The following CDH12 variants were observed in gnomAD, a reference collection of about 807,000 sequenced individuals.
CDH12 encodes cadherin-12.
CDH12 carries 41 observed loss-of-function variants against 74.1 expected under a neutral mutation model. That is an observed-to-expected ratio of 0.55 (90% CI 0.43 to 0.72). The LOEUF (loss-of-function observed/expected upper bound fraction) is 0.72. CDH12 is among the 30% of genes least tolerant of loss of function. The pLI is 0.00. For missense variants in CDH12, 945 were observed against 977.2 expected, an observed-to-expected ratio of 0.97 and a Z score of 0.44; for synonymous variants, 399 against 355.0, an observed-to-expected ratio of 1.12 and a Z score of -1.39.
chr5:22,606,877 T>C (rs1161964716), intron 1 of CDH12, among the ~76,000 whole-genome samples: 1 of 152,138 alleles, frequency 6.6e-6, no homozygotes. Flanking sequence ...AGAGGCTTGT[T>C]GAATAGTTTT....
In CDH12 at chr5:21,760,636, G is replaced by T. The variant is rs1321011300; in HGVS notation, c.1555C>A (p.Pro519Thr). ...CTAAAGGAGAATTGTTGCCCAGCAGGTGAAAGATCTCGGTCTGCAGCACTG... is the reference window on the plus strand; with the variant it reads ...CTAAAGGAGAATTGTTGCCCAGCAGTTGAAAGATCTCGGTCTGCAGCACTG... ...IVSAADRDLS[P>T]AGQQFSFRLS... Residue 519 changes from proline (P) to threonine (T), a missense_variant, in exon 13 of 15, where the codon CCT becomes ACT. Pro to Thr is a conservative substitution (Grantham distance 38). Coordinates refer to ENST00000382254, the MANE Select transcript of CDH12 (RefSeq NM_004061.5). The T allele has an allele frequency of 3.7e-6, 6 of 1,611,404 alleles. No homozygotes were observed. Among genetic ancestry groups the T allele is most frequent in the Non-Finnish European group, 5.1e-6 (6 of 1,177,898 alleles).
rs140930088 is a variant in CDH12, at chr5:21,891,001, G to T, written c.527-36211C>A. 2.5e-3 allele frequency among the ~76,000 whole-genome samples: 379 copies of T among 152,072 alleles called. 4 individuals carry two copies. Among genetic ancestry groups the T allele is most frequent in the African/African-American group, 8.5e-3 (354 of 41,520 alleles). On this transcript the variant is annotated intron_variant, in intron 6 of 14. Transcript: ENST00000382254. ...AAACCCCATTACGTCTTCATAGAAT[G>T]CCAACTACATTGTGAAAATTCCAAT... is the stretch of plus-strand genomic sequence containing the variant.
Position 22,470,145 on chromosome 5 carries a change from AAGCATGC to A in CDH12, c.-428+35118_-428+35124del, listed in dbSNP as rs778245677. On this transcript the variant is annotated intron_variant, in intron 2 of 14. Transcript: ENST00000382254. ...ACTGAGAGCACAATTTGCTGCTTCT[AAGCATGC>A]AGCCCTGACATGGTATGGCATAGGA... is the stretch of plus-strand genomic sequence containing the variant. Among the ~76,000 whole-genome samples, 88 of 152,246 alleles carry A rather than the reference AAGCATGC, an allele frequency of 5.8e-4. 1 individual carries two copies. The highest frequency in any genetic ancestry group is 2.0e-3 in the Admixed American group (31 of 15,280).
At chr5:22,709,139 C>G (rs558146888) in intron 1 of CDH12, among the ~76,000 whole-genome samples, 1 of 151,978 alleles carries the variant, frequency 6.6e-6, no homozygotes, top group African/African-American at 2.4e-5. Flanking sequence ...TGTAGGGTGA[C>G]GGGAAGAGAG....
At chr5:22,499,930 A>G (rs1027710863) in intron 2 of CDH12, among the ~76,000 whole-genome samples, 1 of 152,202 alleles carries the variant, frequency 6.6e-6, no homozygotes, top group Non-Finnish European at 1.5e-5. Context: ...ACCTAAAAAT[A>G]ATCATTGCCA....
At chr5:22,690,243 T>C (rs1422893557) in intron 1 of CDH12, among the ~76,000 whole-genome samples, 3 of 152,154 alleles carry the variant, frequency 2.0e-5, no homozygotes, top group Non-Finnish European at 4.4e-5. Context: ...TTGGTTTTAG[T>C]GAATCTTCTA....
intron 1 of CDH12, among the ~76,000 whole-genome samples, chr5:22,676,231 T>C (rs1273909976): frequency 6.6e-6 from 1 of 152,110 alleles, no homozygotes; most frequent in Non-Finnish European, 1.5e-5. Flanking sequence ...ATAAATATTA[T>C]TGAGGCAAAA....
intron 6 of CDH12, among the ~76,000 whole-genome samples, chr5:21,949,187 C>T (rs1755712494): frequency 6.6e-6 from 1 of 151,982 alleles, no homozygotes; most frequent in South Asian, 2.1e-4. Context: ...TTGTAGTGTA[C>T]ACCTTCTACT....
At chr5:22,247,703 G>T (rs1561253381) in intron 3 of CDH12, among the ~76,000 whole-genome samples, 2 of 151,790 alleles carry the variant, frequency 1.3e-5, no homozygotes. Flanking sequence ...AAAAGTATTT[G>T]GTAACTTTGA....
intron 1 of CDH12, among the ~76,000 whole-genome samples, chr5:22,698,963 G>C (rs1267427779): frequency 1.3e-5 from 2 of 151,598 alleles, no homozygotes; most frequent in Non-Finnish European, 2.9e-5. Context: ...TTCTTATCAA[G>C]ACAGAAAAAT....
chr5:21,902,358 C>T (rs2150055138), intron 6 of CDH12, among the ~76,000 whole-genome samples: 1 of 151,962 alleles, frequency 6.6e-6, no homozygotes, highest in South Asian at 2.1e-4. Flanking sequence ...GTCTCACTCA[C>T]TGTCTCTCTT....
At chr5:21,776,039 AGAG>A (rs1485901775) in intron 11 of CDH12, among the ~76,000 whole-genome samples, 1 of 152,160 alleles carries the variant, frequency 6.6e-6, no homozygotes, top group Non-Finnish European at 1.5e-5. Flanking sequence ...ATGTGGGAAA[AGAG>A]GAGATGTCAT....
chr5:21,834,260 C>T (rs1749406422), intron 8 of CDH12, among the ~76,000 whole-genome samples: 1 of 151,796 alleles, frequency 6.6e-6, no homozygotes. Flanking sequence ...ACATATATAT[C>T]TCATATATAT....
At chr5:22,424,134 A>G (rs760389417) in intron 2 of CDH12, among the ~76,000 whole-genome samples, 1 of 151,888 alleles carries the variant, frequency 6.6e-6, no homozygotes, top group Non-Finnish European at 1.5e-5. Flanking sequence ...TTAAATGTCC[A>G]GAGCACCAGA....
intron 1 of CDH12, among the ~76,000 whole-genome samples, chr5:22,586,954 C>T (rs1178626351): frequency 6.8e-6 from 1 of 146,836 alleles, no homozygotes; most frequent in South Asian, 2.2e-4. Context: ...TCAAGTGATT[C>T]TCGTATCTCA....
Position 22,196,292 on chromosome 5 carries a change from G to A in CDH12, c.-187+16206C>T, listed in dbSNP as rs187362975. ...CCTGCGTGGCTGGGAATACAGGCAC[G>A]CACTACCCCATCCAGCTAATGTTTG... On this transcript the variant is annotated intron_variant, in intron 4 of 14. Transcript: ENST00000382254. 3.7e-3 allele frequency among the ~76,000 whole-genome samples: 560 copies of A among 151,598 alleles called. 7 individuals are homozygous for A. Among genetic ancestry groups the A allele is most frequent in the African/African-American group, 0.013 (525 of 41,334 alleles).
At position 22,707,884 on chromosome 5, in the gene CDH12, T is replaced by A. The variant is rs756604981; in HGVS notation, c.-523+145174A>T. Among the ~76,000 whole-genome samples the A allele has an allele frequency of 2.8e-4, 42 of 152,126 alleles. 1 individual carries two copies. The highest frequency in any genetic ancestry group is 9.7e-4 in the African/African-American group (40 of 41,438). ...CTTATGTGTATGGCAGGCACTAAAC[T>A]AGCCTCCAAAAACATATGCTATTTC... On this transcript the variant is annotated intron_variant, in intron 1 of 14. Coordinates refer to ENST00000382254, the MANE Select transcript of CDH12 (RefSeq NM_004061.5).
chr5:22,189,312 C>G (rs1332609053), intron 4 of CDH12, among the ~76,000 whole-genome samples: 3 of 152,152 alleles, frequency 2.0e-5, no homozygotes, highest in African/African-American at 7.2e-5. Context: ...GCTTCTCTTT[C>G]ACTAACAATT....
chr5:22,466,940 C>A (rs1433838602), intron 2 of CDH12, among the ~76,000 whole-genome samples: 1 of 151,722 alleles, frequency 6.6e-6, no homozygotes, highest in East Asian at 1.9e-4. Flanking sequence ...AGGCACGTGC[C>A]GCCAAGGCCT....
Sources: allele counts gnomAD v4.1 joint callset (sites outside exome capture counted in the v4.1 genomes callset), GRCh38; gene constraint gnomAD v4.1.1; transcripts MANE v1.5; gene names NCBI Gene and HGNC (gene_info 2026-07-23, HGNC 2026-07-21).